The following SPTBN1 variants were observed in gnomAD, a reference collection of about 807,000 sequenced individuals.
The protein encoded by SPTBN1 is spectrin beta, non-erythrocytic 1.
Under a neutral mutation model 266.4 loss-of-function variants are expected in SPTBN1, and 32 were observed. That is an observed-to-expected ratio of 0.12 (90% CI 0.09 to 0.16). The LOEUF is 0.16. SPTBN1 is among the 10% of genes least tolerant of loss of function. The pLI is 1.00. For synonymous variants in SPTBN1, 1,336 were observed against 1,162.2 expected, an observed-to-expected ratio of 1.15 and a Z score of -3.04; for missense variants, 2,296 against 3,067.1, an observed-to-expected ratio of 0.75 and a Z score of 5.94.
chr2:54,665,141 T>G (rs890444677), intron 33 of SPTBN1, among the ~76,000 whole-genome samples: 2 of 152,172 alleles, frequency 1.3e-5, no homozygotes, highest in African/African-American at 4.8e-5. Context: ...CTCTGAGCGG[T>G]TAACAAAGCT....
Position 54,612,301 on chromosome 2 carries a change from T to C in SPTBN1, c.441T>C (p.Leu147=), listed in dbSNP as rs1333932906. Residue 147 remains leucine (L), a synonymous_variant, in exon 4 of 36, where the codon CTT becomes CTC. Coordinates refer to ENST00000356805, the MANE Select transcript of SPTBN1 (RefSeq NM_003128.3). ...DIVDGNHRLT[L]GLIWTIILRF... is the part of the protein sequence containing the mutation. ...TGGATGGAAACCACCGGCTGACCCT[T>C]GGCCTCATCTGGACCATCATCCTGC... 1 of 1,613,764 alleles carries C rather than the reference T, an allele frequency of 6.2e-7. No individual in the cohort carries two copies. The highest frequency in any genetic ancestry group is 8.5e-7 in the Non-Finnish European group (1 of 1,179,780).
chr2:54,596,460 C>T (rs542935744), intron 2 of SPTBN1, among the ~76,000 whole-genome samples: 67 of 152,286 alleles, frequency 4.4e-4, no homozygotes, highest in Non-Finnish European at 3.7e-4. Flanking sequence ...CTGTTGAGTC[C>T]GTTTCCTGCC....
intron 3 of SPTBN1, among the ~76,000 whole-genome samples, chr2:54,604,285 C>T (rs1676691622): frequency 6.6e-6 from 1 of 152,076 alleles, no homozygotes; most frequent in African/African-American, 2.4e-5. Flanking sequence ...AACACCCTGC[C>T]AGAAACCTTC....
chr2:54,633,408 C>T (rs996274652), intron 17 of SPTBN1, among the ~76,000 whole-genome samples: 26 of 146,784 alleles, frequency 1.8e-4, no homozygotes, highest in African/African-American at 6.2e-4. Flanking sequence ...TTTTTATTTA[C>T]GTGTGTGTGT....
At chr2:54,573,987 G>T (rs1034835963) in intron 2 of SPTBN1, among the ~76,000 whole-genome samples, 6 of 152,098 alleles carry the variant, frequency 3.9e-5, no homozygotes, top group African/African-American at 1.4e-4. Flanking sequence ...AGAATAATGT[G>T]CATGAACCCC....
At chr2:54,660,553 A>G in intron 32 of SPTBN1, 1 of 985,888 alleles carries the variant, frequency 1.0e-6, no homozygotes, top group Non-Finnish European at 1.2e-6. Context: ...ATTAAAACCT[A>G]AAGTCAGCTG....
chr2:54,589,755 G>C (rs901261529), intron 2 of SPTBN1, among the ~76,000 whole-genome samples: 1 of 152,134 alleles, frequency 6.6e-6, no homozygotes, highest in African/African-American at 2.4e-5. Context: ...TGGATTCTCT[G>C]TTATCAATAC....
At chr2:54,502,070 G>A (rs575758310) in intron 1 of SPTBN1, among the ~76,000 whole-genome samples, 13 of 152,320 alleles carry the variant, frequency 8.5e-5, no homozygotes, top group African/African-American at 3.1e-4. Context: ...GAGAGAGAGA[G>A]TATGTGTATT....
chr2:54,627,031 G>T (rs1169447429), intron 12 of SPTBN1, among the ~76,000 whole-genome samples: 1 of 152,118 alleles, frequency 6.6e-6, no homozygotes, highest in African/African-American at 2.4e-5. Context: ...ACAGTTTTCA[G>T]ACAGTCCCAT....
rs766317201 is a variant in SPTBN1 at position 54,642,987 on chromosome 2, C to G, written c.3863C>G (p.Ser1288Cys). ...ATCCTTCTGATCTTTCTGTAGCTGT[C>G]TCTCTGGATCAATGAGAAGATGCTC... ...QKFLQDCQEL[S>C]LWINEKMLTA... is the part of the protein sequence containing the mutation. The change falls in exon 19 of 36, where the codon TCT becomes TGT. Residue 1288 changes from serine to cysteine, a missense_variant. By Grantham distance (112) the Ser-to-Cys change is moderately radical (BLOSUM62 -1). Transcript: ENST00000356805. 12 of 1,611,652 alleles carry G rather than the reference C, an allele frequency of 7.4e-6. No homozygotes were observed. The highest frequency in any genetic ancestry group is 1.6e-4 in the Middle Eastern group (1 of 6,070).
chr2:54,581,483 A>T (rs1218844955), intron 2 of SPTBN1, among the ~76,000 whole-genome samples: 3 of 151,322 alleles, frequency 2.0e-5, no homozygotes, highest in African/African-American at 7.3e-5. Flanking sequence ...TTGAACTTCC[A>T]CTGCCTCTGG....
At chr2:54,614,034 C>T (rs564879962) in intron 4 of SPTBN1, among the ~76,000 whole-genome samples, 5 of 152,144 alleles carry the variant, frequency 3.3e-5, no homozygotes, top group African/African-American at 4.8e-5. Context: ...TTGACTAATT[C>T]GCTTCCTGCC....
In SPTBN1 at chr2:54,666,119, A is replaced by C. The variant is rs779608368; in HGVS notation, c.6833+31A>C. On this transcript the variant is annotated intron_variant, in intron 34 of 35. Transcript: ENST00000356805. ...AGTCGCCGTGCTTCATGGCTGCCAG[A>C]GTGGGTTTGCATTTACTTCCACTCT... The C allele has an allele frequency of 3.8e-6, 6 of 1,588,734 alleles. No homozygotes were observed. In the Admixed American group the frequency reaches 7.2e-5, roughly 19 times the overall value.
In SPTBN1 at chr2:54,664,039, G is replaced by A. The variant is rs569437124; in HGVS notation, c.6421-414G>A. ...TCGGTCTGTTTGTGAATGCCCTTTC[G>A]CTTAAACTTCCAGCCCTTCTGGTGG... On this transcript the variant is annotated intron_variant, in intron 32 of 35. Coordinates refer to ENST00000356805, the MANE Select transcript of SPTBN1 (RefSeq NM_003128.3). The surrounding 1 kb of genome is among the most constrained non-coding windows in gnomAD (Gnocchi z 5.6). 5.7e-5 allele frequency: 9 copies of A among 157,870 alleles called. No individual in the cohort carries two copies. The South Asian group carries it at 1.3e-3, about 24-fold the overall frequency. 9.8% of individuals were successfully genotyped at this position (157,870 alleles called of 1,614,324 possible).
chr2:54,628,197 A>T lies in SPTBN1; in HGVS notation c.1745A>T (p.Glu582Val), dbSNP rs1484580094. The stretch of plus-strand genomic sequence containing the variant: ...GAAGCAGACATTGGCATCCAGGCAG[A>T]GCGGGTGAGAGGTGTCAATGCCTCC... ...LVEADIGIQA[E>V]RVRGVNASAQ... Residue 582 changes from glutamate to valine, a missense_variant, in exon 13 of 36, where the codon GAG becomes GTG. Glu to Val is a moderately radical substitution (Grantham distance 121). Transcript: ENST00000356805. This position sits in a 1 kb window ranked among gnomAD's most constrained non-coding sequence, Gnocchi z 4.3. The T allele has an allele frequency of 1.2e-6, 2 of 1,614,144 alleles. No individual in the cohort carries two copies. Among genetic ancestry groups the T allele is most frequent in the Admixed American group, 1.7e-5 (1 of 60,016 alleles).
At position 54,616,328 on chromosome 2, in the gene SPTBN1, T is replaced by C. The variant is rs375805604; in HGVS notation, c.566+30T>C. 1.0e-4 allele frequency: 161 copies of C among 1,595,394 alleles called. No individual in the cohort carries two copies. The African/African-American group carries it at 1.6e-3, about 15-fold the overall frequency. On this transcript the variant is annotated intron_variant, in intron 5 of 35. Coordinates refer to ENST00000356805, the MANE Select transcript of SPTBN1 (RefSeq NM_003128.3). ...GTGTGAATGAAGAGGGTATTGGGGC[T>C]GCTTCTTCCAGGACTGAATTCCACT...
chr2:54,641,524 T>G (rs1679557542), intron 18 of SPTBN1, among the ~76,000 whole-genome samples: 1 of 152,214 alleles, frequency 6.6e-6, no homozygotes, highest in Non-Finnish European at 1.5e-5. Context: ...ACATAGATAA[T>G]TTTTTCCAAG....
chr2:54,576,055 CTTT>C (rs71408771), intron 2 of SPTBN1, among the ~76,000 whole-genome samples: 1 of 18,726 alleles, frequency 5.3e-5, no homozygotes. Context: ...TCAGATCCAG[CTTT>C]TTTTTTTTTT....
In SPTBN1 at chr2:54,630,884, GGAA is replaced by G; in HGVS notation, c.2842_2844del (p.Lys948del). 6.2e-7 allele frequency: 1 copy of G among 1,603,332 alleles called. No individual in the cohort carries two copies. Among genetic ancestry groups the G allele is most frequent in the Non-Finnish European group, 8.5e-7 (1 of 1,173,786 alleles). On this transcript the variant is annotated inframe_deletion, in exon 16 of 36. Transcript: ENST00000356805. ...AGCCAGTTCAGAGAACTGGTTGACA[GGAA>G]GAAGGATGCCCTCCTGTCTGCCCTG...
Sources: gnomAD v4.1 joint callset for allele counts (sites outside exome capture counted in the v4.1 genomes callset) on GRCh38, gnomAD v4.1.1 for gene constraint, Gnocchi (gnomAD v3.1) non-coding constraint, MANE v1.5 for transcripts, NCBI Gene and HGNC (gene_info 2026-07-23, HGNC 2026-07-21) for gene names.